IMMT: variants seen among roughly 807,000 people sequenced by gnomAD.
The protein encoded by IMMT is inner membrane mitochondrial protein, also known as MICOS complex subunit MIC60.
In IMMT, 40 loss-of-function variants were observed where a neutral mutation model predicts 92.7. The observed-to-expected ratio is 0.43, with a 90% CI of 0.34 to 0.56. IMMT has a LOEUF of 0.56. Among genes scored for constraint, IMMT ranks in the 20% least tolerant of loss-of-function variants. The pLI, the probability that IMMT is intolerant of heterozygous loss-of-function variation, is 0.03. For missense variants in IMMT, 831 were observed against 912.1 expected (o/e 0.91, Z 1.14); for synonymous variants, 322 against 336.1 (o/e 0.96, Z 0.46).
At chr2:86,191,344 CAAA>C (rs35278001) in intron 1 of IMMT, among the ~76,000 whole-genome samples, 5 of 121,812 alleles carry the variant, frequency 4.1e-5, no homozygotes, top group Non-Finnish European at 5.1e-5. Context: ...GACCCTATCT[CAAA>C]AAAAAAAAAA....
At chr2:86,167,459 C>A (rs1196264726) in intron 6 of IMMT, among the ~76,000 whole-genome samples, 2 of 148,550 alleles carry the variant, frequency 1.3e-5, no homozygotes, top group African/African-American at 5.0e-5. Context: ...AGGCGTGAGC[C>A]ACCGTGCCCG....
chr2:86,178,008 A>G (rs1463425798), intron 3 of IMMT, among the ~76,000 whole-genome samples: 1 of 152,150 alleles, frequency 6.6e-6, no homozygotes, highest in Non-Finnish European at 1.5e-5. Context: ...ACCAGCTACT[A>G]TTAGTTCAAT....
At chr2:86,190,451 A>T (rs1270662152) in intron 1 of IMMT, among the ~76,000 whole-genome samples, 2 of 152,188 alleles carry the variant, frequency 1.3e-5, no homozygotes, top group Non-Finnish European at 2.9e-5. Flanking sequence ...GTAAATGACC[A>T]CTTCCAGGTT....
At chr2:86,188,372 C>T (rs868678938) in intron 1 of IMMT, among the ~76,000 whole-genome samples, 1 of 152,104 alleles carries the variant, frequency 6.6e-6, no homozygotes, top group Non-Finnish European at 1.5e-5. Flanking sequence ...AAGTCCTTTG[C>T]TCATGCATAC....
At chr2:86,174,008 A>G (rs1677269798) in intron 3 of IMMT, among the ~76,000 whole-genome samples, 1 of 152,230 alleles carries the variant, frequency 6.6e-6, no homozygotes, top group African/African-American at 2.4e-5. Flanking sequence ...TATTAGGGTG[A>G]CCAATAAAGT....
chr2:86,148,079 AACTTGTG>A (rs1675169679), intron 12 of IMMT, among the ~76,000 whole-genome samples: 1 of 152,158 alleles, frequency 6.6e-6, no homozygotes, highest in Non-Finnish European at 1.5e-5. Context: ...CTCACCCCCA[AACTTGTG>A]GTTTTTCCAC....
At chr2:86,178,143 G>A (rs1331824784) in intron 3 of IMMT, among the ~76,000 whole-genome samples, 6 of 151,600 alleles carry the variant, frequency 4.0e-5, no homozygotes, top group East Asian at 1.9e-4. Flanking sequence ...GTGAAACCCC[G>A]TCTCTACTAA....
chr2:86,158,057 C>T (rs182895148), intron 10 of IMMT, among the ~76,000 whole-genome samples: 40 of 152,296 alleles, frequency 2.6e-4, no homozygotes, highest in African/African-American at 8.7e-4. Flanking sequence ...CACCATGTAA[C>T]GACTTCAGCA....
rs1674871586 is a variant in IMMT, at chr2:86,144,847, G to C, written c.1698C>G (p.Ala566=). The change falls in exon 15 of 15, where the codon GCC becomes GCG. Residue 566 remains alanine (A), a synonymous_variant. Coordinates refer to ENST00000410111, the MANE Select transcript of IMMT (RefSeq NM_006839.3). ...HAVAEEEARK[A]HQLWLSVEAL... ...CCTCCACTGAAAGCCAGAGTTGGTG[G>C]GCTTTTCTGGCTTCCTCTTCAGCAA... 6.2e-7 allele frequency: 1 copy of C among 1,606,064 alleles called. No individual in the cohort carries two copies. Among genetic ancestry groups the C allele is most frequent in the Non-Finnish European group, 8.5e-7 (1 of 1,176,676 alleles).
intron 7 of IMMT, among the ~76,000 whole-genome samples, chr2:86,165,797 T>A (rs1676636222): frequency 1.3e-5 from 2 of 152,216 alleles, no homozygotes; most frequent in Non-Finnish European, 2.9e-5. Flanking sequence ...TCAGGGAACA[T>A]GAGAGCTCTC....
At chr2:86,179,228 T>G (rs767315285) in intron 3 of IMMT, among the ~76,000 whole-genome samples, 2 of 152,158 alleles carry the variant, frequency 1.3e-5, no homozygotes, top group Non-Finnish European at 2.9e-5. Context: ...TGATTTAAAG[T>G]ATATGGGAGG....
rs58530948 is a variant in IMMT, at chr2:86,184,413, C to G, written c.46-3041G>C. On this transcript the variant is annotated intron_variant, in intron 1 of 14. Coordinates refer to ENST00000410111, the MANE Select transcript of IMMT (RefSeq NM_006839.3). ...CTAGTTTTGAACTCATGGCCTCAAG[C>G]AATCCTCCTACCTTGGCCTCTCAAA... 6.1e-3 allele frequency among the ~76,000 whole-genome samples: 922 copies of G among 152,214 alleles called. 10 individuals are homozygous for G. Among genetic ancestry groups the G allele is most frequent in the African/African-American group, 0.021 (884 of 41,538 alleles).
At chr2:86,148,313 T>C (rs941298623) in intron 12 of IMMT, among the ~76,000 whole-genome samples, 3 of 152,138 alleles carry the variant, frequency 2.0e-5, no homozygotes, top group African/African-American at 4.8e-5. Flanking sequence ...GAAGAATCAT[T>C]AAGAAAATTA....
At chr2:86,162,758 T>C (rs931121206) in intron 7 of IMMT, among the ~76,000 whole-genome samples, 4 of 151,994 alleles carry the variant, frequency 2.6e-5, no homozygotes, top group Admixed American at 1.3e-4. Context: ...GCAGGAGAAT[T>C]GCTTGAATAC....
intron 1 of IMMT, among the ~76,000 whole-genome samples, chr2:86,187,868 C>T (rs1203632295): frequency 1.3e-5 from 2 of 150,634 alleles, no homozygotes; most frequent in Admixed American, 6.6e-5. Context: ...GCCGAGATCG[C>T]GCCACTGCAC....
intron 11 of IMMT, 100 bp from the exon 12 acceptor site, chr2:86,151,620 C>G: frequency 1.2e-6 from 1 of 867,622 alleles, no homozygotes; most frequent in Non-Finnish European, 1.8e-6. Flanking sequence ...GAGCAGTAAA[C>G]GAAAGTAAAA....
intron 11 of IMMT, among the ~76,000 whole-genome samples, chr2:86,152,662 G>A (rs1258938139): frequency 1.3e-5 from 2 of 152,006 alleles, no homozygotes; most frequent in East Asian, 3.9e-4. Flanking sequence ...TCAGGAGGCT[G>A]AGGCACGAGA....
chr2:86,144,009 T>A lies in IMMT; in HGVS notation c.*259A>T, dbSNP rs945597609. Reference sequence around the variant, plus strand: ...GTAGTAGAGATCACAAACATTATTTTGATTGGCCTCACAAGCCTCATCAGT... The same window carrying A: ...GTAGTAGAGATCACAAACATTATTTAGATTGGCCTCACAAGCCTCATCAGT... On this transcript the variant is annotated 3_prime_UTR_variant, in exon 15 of 15. Transcript: ENST00000410111. 22 of 541,856 alleles carry A rather than the reference T, an allele frequency of 4.1e-5. No individual in the cohort carries two copies. The highest frequency in any genetic ancestry group is 1.5e-4 in the African/African-American group (8 of 52,708). 33.6% of individuals were successfully genotyped at this position (541,856 alleles called of 1,614,324 possible).
intron 11 of IMMT, among the ~76,000 whole-genome samples, chr2:86,153,144 C>T (rs374756869): frequency 6.6e-6 from 1 of 152,132 alleles, no homozygotes; most frequent in Non-Finnish European, 1.5e-5. Context: ...ATATTTGAGT[C>T]TGCTTTCTAT....
Sources: allele counts gnomAD v4.1 joint callset (sites outside exome capture counted in the v4.1 genomes callset), GRCh38; gene constraint gnomAD v4.1.1; transcripts MANE v1.5; gene names NCBI Gene and HGNC (gene_info 2026-07-23, HGNC 2026-07-21).